PPP1R14C: variants seen among roughly 807,000 people sequenced by gnomAD.
PPP1R14C encodes protein phosphatase 1 regulatory inhibitor subunit 14C.
A neutral mutation model predicts 20.4 loss-of-function variants in PPP1R14C; 16 were observed. The observed-to-expected ratio is 0.78, with a 90% confidence interval of 0.53 to 1.19. The LOEUF (loss-of-function observed/expected upper bound fraction) is 1.19. Among genes scored for constraint, PPP1R14C ranks in the 50% most tolerant of loss-of-function variants. The pLI is 0.00. For synonymous variants in PPP1R14C, 91 were observed against 91.0 expected (o/e 1.00, Z 0.00); for missense variants, 211 against 220.1 (o/e 0.96, Z 0.26).
At chr6:150,169,987 G>A (rs1164573916) in intron 1 of PPP1R14C, among the ~76,000 whole-genome samples, 1 of 152,196 alleles carries the variant, frequency 6.6e-6, no homozygotes, top group Non-Finnish European at 1.5e-5. Context: ...TTTCCTTGCT[G>A]TATGGGGACT....
intron 1 of PPP1R14C, among the ~76,000 whole-genome samples, chr6:150,203,334 T>G (rs999856036): frequency 2.5e-4 from 38 of 152,242 alleles, no homozygotes; most frequent in African/African-American, 8.9e-4. Context: ...CCATTTTGGC[T>G]TCATTCACTT....
Position 150,219,513 on chromosome 6 carries a change from G to A in PPP1R14C, c.423+2657G>A, listed in dbSNP as rs548432253. Among the ~76,000 whole-genome samples the A allele has an allele frequency of 3.6e-3, 549 of 152,218 alleles. 4 individuals carry two copies. Among genetic ancestry groups the A allele is most frequent in the African/African-American group, 0.012 (513 of 41,546 alleles). On this transcript the variant is annotated intron_variant, in intron 3 of 3. Transcript: ENST00000361131. ...TTACAGGCGTGAGTCACTGTGCCCG[G>A]CCATAACGCTTGTCTTTGGTTTTGT...
chr6:150,234,848 C>CAAAAAA (rs56139981), intron 3 of PPP1R14C, among the ~76,000 whole-genome samples: 6 of 41,836 alleles, frequency 1.4e-4, no homozygotes, highest in East Asian at 7.9e-4. Context: ...GACTCTGTCT[C>CAAAAAA]AAAAAAAAAA....
chr6:150,152,371 C>T (rs1422604520), intron 1 of PPP1R14C, among the ~76,000 whole-genome samples: 1 of 152,120 alleles, frequency 6.6e-6, no homozygotes. Context: ...CCATGGGCTG[C>T]AGCTAGTGTG....
intron 1 of PPP1R14C, among the ~76,000 whole-genome samples, chr6:150,171,789 A>G (rs1777502504): frequency 6.6e-6 from 1 of 152,080 alleles, no homozygotes; most frequent in Admixed American, 6.5e-5. Context: ...CAGCATTCAG[A>G]ATTTCTCCAT....
chr6:150,144,471 C>T (rs148439596), intron 1 of PPP1R14C, among the ~76,000 whole-genome samples: 1,769 of 152,350 alleles, frequency 0.012, 63 homozygotes, highest in Admixed American at 0.077. Flanking sequence ...GTGACCTCCT[C>T]TTAAGGGAGT....
intron 3 of PPP1R14C, among the ~76,000 whole-genome samples, chr6:150,229,825 G>A (rs1778272899): frequency 6.6e-6 from 1 of 152,094 alleles, no homozygotes; most frequent in Non-Finnish European, 1.5e-5. Context: ...GATCAGTTCT[G>A]GTGCGCCATG....
chr6:150,247,139 A>C (rs550402394), intron 3 of PPP1R14C, among the ~76,000 whole-genome samples: 1 of 152,296 alleles, frequency 6.6e-6, no homozygotes, highest in African/African-American at 2.4e-5. Flanking sequence ...AGAGTAGTGC[A>C]GGGCTCATTT....
chr6:150,228,942 C>T (rs1033265181), intron 3 of PPP1R14C, among the ~76,000 whole-genome samples: 3 of 151,992 alleles, frequency 2.0e-5, no homozygotes, highest in Admixed American at 6.6e-5. Flanking sequence ...ATAAGAGACA[C>T]GATAGAGGAG....
At chr6:150,180,413 G>C (rs188213046) in intron 1 of PPP1R14C, among the ~76,000 whole-genome samples, 59 of 152,316 alleles carry the variant, frequency 3.9e-4, no homozygotes, top group Admixed American at 1.0e-3. Context: ...CTGTAAGATG[G>C]GGATATTAGT....
rs748079219 is a variant in PPP1R14C, at chr6:150,143,294, C to T, written c.102C>T (p.Pro34=). The T allele has an allele frequency of 8.3e-6, 13 of 1,559,798 alleles. No homozygotes were observed. Among genetic ancestry groups the T allele is most frequent in the South Asian group, 1.2e-5 (1 of 86,122 alleles). ...QSPRGGAGGS[P]GSSSGSGSSR... is the part of the protein sequence containing the mutation. The stretch of plus-strand genomic sequence containing the variant: ...CCCGGGGTGGCGCCGGTGGCAGCCC[C>T]GGCTCCAGCAGCGGCTCAGGCTCCT... The change falls in exon 1 of 4, where the codon CCC becomes CCT. Residue 34 remains proline (P), a synonymous_variant. Transcript: ENST00000361131. This position sits in a 1 kb window ranked among gnomAD's most constrained non-coding sequence, Gnocchi z 5.6.
Position 150,143,726 on chromosome 6 carries a change from G to A in PPP1R14C, c.306+228G>A, listed in dbSNP as rs569059490. Among the ~76,000 whole-genome samples the A allele has an allele frequency of 1.2e-4, 19 of 152,292 alleles. No individual in the cohort carries two copies. The highest frequency in any genetic ancestry group is 2.6e-4 in the Admixed American group (4 of 15,304). ...CGGCTGCCGGTGCCCGGGGATCTGC[G>A]GGCCCCCTTGGTGGCCGTGGGGAGG... is the stretch of plus-strand genomic sequence containing the variant. On this transcript the variant is annotated intron_variant, in intron 1 of 3. Transcript: ENST00000361131. This position sits in a 1 kb window ranked among gnomAD's most constrained non-coding sequence, Gnocchi z 5.6.
At chr6:150,165,325 T>C (rs1777411439) in intron 1 of PPP1R14C, among the ~76,000 whole-genome samples, 1 of 152,264 alleles carries the variant, frequency 6.6e-6, no homozygotes, top group African/African-American at 2.4e-5. Context: ...TTAAAATATC[T>C]GGGCTCCCAG....
intron 1 of PPP1R14C, among the ~76,000 whole-genome samples, chr6:150,207,932 G>A (rs1777974138): frequency 1.3e-5 from 2 of 152,090 alleles, no homozygotes. Context: ...TTGGCTTCTG[G>A]TGACAGCGTT....
chr6:150,157,925 C>T (rs960127462), intron 1 of PPP1R14C, among the ~76,000 whole-genome samples: 6 of 152,200 alleles, frequency 3.9e-5, no homozygotes, highest in Non-Finnish European at 5.9e-5. Flanking sequence ...AAGGTTCCAA[C>T]GTGCGTTTCG....
intron 1 of PPP1R14C, among the ~76,000 whole-genome samples, chr6:150,181,423 C>G (rs993416918): frequency 6.6e-6 from 1 of 152,068 alleles, no homozygotes; most frequent in East Asian, 1.9e-4. Context: ...CTCTGGGATT[C>G]AGGTTGTCCT....
intron 3 of PPP1R14C, among the ~76,000 whole-genome samples, chr6:150,228,296 C>T (rs1405351146): frequency 1.3e-5 from 2 of 152,180 alleles, no homozygotes; most frequent in Admixed American, 6.5e-5. Flanking sequence ...CAAGTTCACA[C>T]GTCCTCAAAA....
intron 1 of PPP1R14C, among the ~76,000 whole-genome samples, chr6:150,162,729 G>A: frequency 6.6e-6 from 1 of 152,112 alleles, no homozygotes; most frequent in African/African-American, 2.4e-5. Flanking sequence ...TAGGTGCTAG[G>A]GACACAGGTG....
At chr6:150,202,289 A>G (rs771814296) in intron 1 of PPP1R14C, among the ~76,000 whole-genome samples, 1 of 151,472 alleles carries the variant, frequency 6.6e-6, no homozygotes, top group Non-Finnish European at 1.5e-5. Flanking sequence ...CTGTACCCCC[A>G]CTCTGTCACG....
Sources: allele counts gnomAD v4.1 joint callset (sites outside exome capture counted in the v4.1 genomes callset), GRCh38; gene constraint gnomAD v4.1.1; non-coding constraint Gnocchi (gnomAD v3.1); transcripts MANE v1.5; gene names NCBI Gene and HGNC (gene_info 2026-07-23, HGNC 2026-07-21).